Variants in KIAA1328 observed in about 807,000 individuals in gnomAD.
KIAA1328 encodes protein hinderin.
A neutral mutation model predicts 68.1 loss-of-function variants in KIAA1328; 52 were observed. The ratio of observed to expected loss-of-function variants is 0.76; its 90% CI spans 0.61 to 0.96. The LOEUF (loss-of-function observed/expected upper bound fraction) is 0.96, where lower values mean the gene tolerates loss of function less well. KIAA1328 is among the 40% of genes least tolerant of loss of function. KIAA1328 has a pLI of 0.00. For missense variants in KIAA1328, 641 were observed against 677.6 expected (o/e 0.95, Z 0.60); for synonymous variants, 232 against 239.4 (o/e 0.97, Z 0.28).
chr18:37,158,684 A>G (rs2059210105), intron 7 of KIAA1328, among the ~76,000 whole-genome samples: 1 of 152,224 alleles, frequency 6.6e-6, no homozygotes, highest in African/African-American at 2.4e-5. Context: ...TTAGAAGCCA[A>G]GTTTCCAGTT....
In KIAA1328 at chr18:36,835,307, T is replaced by C; in HGVS notation, c.168T>C (p.Thr56=). 1 of 1,613,738 alleles carries C rather than the reference T, an allele frequency of 6.2e-7. No homozygotes were observed. Among genetic ancestry groups the C allele is most frequent in the Non-Finnish European group, 8.5e-7 (1 of 1,179,708 alleles). Residue 56 remains threonine, a synonymous_variant, in exon 3 of 10, where the codon ACT becomes ACC. Coordinates refer to ENST00000280020, the MANE Select transcript of KIAA1328 (RefSeq NM_020776.3). ...MSPKADVKLK[T]SRVTDASISM... The stretch of plus-strand genomic sequence containing the variant: ...CAAAAGCTGATGTTAAACTTAAGAC[T>C]TCCAGGGTGACTGATGCTTCAATCT...
At chr18:36,849,343 T>C (rs970807352) in intron 4 of KIAA1328, among the ~76,000 whole-genome samples, 1 of 152,024 alleles carries the variant, frequency 6.6e-6, no homozygotes, top group Non-Finnish European at 1.5e-5. Context: ...CACAGTGTTA[T>C]ACAACCATCA....
chr18:36,835,593 A>G (rs2046647463), intron 3 of KIAA1328, among the ~76,000 whole-genome samples: 1 of 152,220 alleles, frequency 6.6e-6, no homozygotes, highest in Admixed American at 6.5e-5. Flanking sequence ...TGCTGTAAGC[A>G]TTAGCCATGA....
chr18:37,159,809 C>T (rs1427941832), intron 7 of KIAA1328, among the ~76,000 whole-genome samples: 1 of 152,122 alleles, frequency 6.6e-6, no homozygotes, highest in Non-Finnish European at 1.5e-5. Context: ...GTGTGAGGCA[C>T]ATTGGTGATA....
chr18:36,998,994 A>C (rs1310781041), intron 6 of KIAA1328, among the ~76,000 whole-genome samples: 3 of 152,234 alleles, frequency 2.0e-5, no homozygotes, highest in Non-Finnish European at 2.9e-5. Context: ...GAGGCTCAGT[A>C]AGTACAAGAG....
chr18:36,930,493 TTAAA>T (rs1485549819), intron 5 of KIAA1328, among the ~76,000 whole-genome samples: 1 of 152,112 alleles, frequency 6.6e-6, no homozygotes, highest in Non-Finnish European at 1.5e-5. Flanking sequence ...TATAGGTGAG[TTAAA>T]TAGTTTTAAG....
chr18:37,117,679 G>C (rs904952089), intron 7 of KIAA1328, among the ~76,000 whole-genome samples: 8 of 151,932 alleles, frequency 5.3e-5, no homozygotes, highest in Non-Finnish European at 1.0e-4. Flanking sequence ...TTCCACCTAA[G>C]ATGATACAAC....
intron 5 of KIAA1328, among the ~76,000 whole-genome samples, chr18:36,925,857 T>C (rs997135268): frequency 6.6e-6 from 1 of 152,142 alleles, no homozygotes; most frequent in Non-Finnish European, 1.5e-5. Context: ...CTTATATATT[T>C]CTTACAAATG....
intron 6 of KIAA1328, among the ~76,000 whole-genome samples, chr18:37,052,109 A>G (rs1050447826): frequency 1.3e-5 from 2 of 152,126 alleles, no homozygotes; most frequent in African/African-American, 4.8e-5. Context: ...ATAAAATATG[A>G]GAAAACCAAA....
At chr18:37,010,209 C>G (rs1393607789) in intron 6 of KIAA1328, among the ~76,000 whole-genome samples, 1 of 151,948 alleles carries the variant, frequency 6.6e-6, no homozygotes, top group Non-Finnish European at 1.5e-5. Flanking sequence ...CTTTGGGAGG[C>G]CGAGGCGGGC....
At chr18:37,013,386 G>T (rs1362180187) in intron 6 of KIAA1328, among the ~76,000 whole-genome samples, 3 of 152,100 alleles carry the variant, frequency 2.0e-5, no homozygotes, top group Admixed American at 1.3e-4. Flanking sequence ...GGGTACATGT[G>T]CAAGTTTGTT....
chr18:36,906,711 G>T (rs2049236582), intron 5 of KIAA1328, among the ~76,000 whole-genome samples: 1 of 151,990 alleles, frequency 6.6e-6, no homozygotes, highest in Non-Finnish European at 1.5e-5. Flanking sequence ...AGCACATCTT[G>T]GTTGCTTTTG....
intron 9 of KIAA1328, among the ~76,000 whole-genome samples, chr18:37,186,601 T>C (rs1206355235): frequency 2.1e-5 from 3 of 142,968 alleles, no homozygotes; most frequent in African/African-American, 7.8e-5. Flanking sequence ...TGAAGGGAAA[T>C]GCATGAACAT....
intron 7 of KIAA1328, among the ~76,000 whole-genome samples, chr18:37,120,268 G>A (rs930162354): frequency 1.3e-5 from 2 of 152,084 alleles, no homozygotes; most frequent in African/African-American, 4.8e-5. Flanking sequence ...GAAAAGATAG[G>A]ATTGCAAATA....
At chr18:36,860,468 T>C (rs1439749704) in intron 4 of KIAA1328, among the ~76,000 whole-genome samples, 1 of 152,158 alleles carries the variant, frequency 6.6e-6, no homozygotes, top group Non-Finnish European at 1.5e-5. Flanking sequence ...TTTTTCATTG[T>C]TGTTAAATGA....
intron 5 of KIAA1328, among the ~76,000 whole-genome samples, chr18:36,897,727 G>A (rs894707796): frequency 6.6e-6 from 1 of 152,068 alleles, no homozygotes; most frequent in Non-Finnish European, 1.5e-5. Context: ...TAGTTCAGCA[G>A]TATAGAGGAA....
chr18:37,139,774 T>C (rs1406301627), intron 7 of KIAA1328, among the ~76,000 whole-genome samples: 1 of 152,174 alleles, frequency 6.6e-6, no homozygotes, highest in Non-Finnish European at 1.5e-5. Context: ...ATAATGTATC[T>C]ATATGGTGTT....
intron 7 of KIAA1328, among the ~76,000 whole-genome samples, chr18:37,152,498 A>G (rs978007549): frequency 6.6e-6 from 1 of 152,150 alleles, no homozygotes; most frequent in African/African-American, 2.4e-5. Flanking sequence ...GCTTTTAGGC[A>G]GATAAAAGGG....
chr18:36,896,273 A>G (rs2048864640), intron 5 of KIAA1328, among the ~76,000 whole-genome samples: 1 of 151,794 alleles, frequency 6.6e-6, no homozygotes, highest in Admixed American at 6.6e-5. Context: ...TTTTGATGAG[A>G]TTTGATTTTT....
Sources: gnomAD v4.1 joint callset for allele counts (sites outside exome capture counted in the v4.1 genomes callset) on GRCh38, gnomAD v4.1.1 for gene constraint, MANE v1.5 for transcripts, NCBI Gene and HGNC (gene_info 2026-07-23, HGNC 2026-07-21) for gene names.